Variants in GRID2 observed in about 807,000 individuals in gnomAD.
GRID2 encodes the protein glutamate receptor ionotropic, delta-2.
In GRID2, 33 loss-of-function variants were observed where a neutral mutation model predicts 114.8. The ratio of observed to expected loss-of-function variants is 0.29; its 90% CI spans 0.22 to 0.38. The LOEUF (loss-of-function observed/expected upper bound fraction) is 0.38, where lower values mean the gene tolerates loss of function less well. Among genes scored for constraint, GRID2 ranks in the 10% least tolerant of loss-of-function variants. The pLI, the probability that GRID2 is intolerant of heterozygous loss-of-function variation, is 1.00. For missense variants in GRID2, 1,184 were observed against 1,257.7 expected (o/e 0.94, Z 0.89); for synonymous variants, 505 against 449.9 (o/e 1.12, Z -1.55).
At chr4:92,501,279 G>A (rs1403361465) in intron 1 of GRID2, among the ~76,000 whole-genome samples, 1 of 152,208 alleles carries the variant, frequency 6.6e-6, no homozygotes, top group African/African-American at 2.4e-5. Context: ...CAGAGCATCT[G>A]TGAGGGGGCA....
At chr4:93,344,982 C>G (rs1476785792) in intron 8 of GRID2, among the ~76,000 whole-genome samples, 1 of 121,742 alleles carries the variant, frequency 8.2e-6, no homozygotes, top group East Asian at 2.7e-4. Flanking sequence ...GAGTTGTATT[C>G]TAGTGTGTGT....
chr4:92,532,714 C>G (rs1419562851), intron 1 of GRID2, among the ~76,000 whole-genome samples: 1 of 152,106 alleles, frequency 6.6e-6, no homozygotes, highest in Non-Finnish European at 1.5e-5. Flanking sequence ...CAAGCTAAGT[C>G]ATGTAAATGT....
intron 4 of GRID2, among the ~76,000 whole-genome samples, chr4:93,111,238 C>T (rs988478577): frequency 5.3e-5 from 8 of 152,178 alleles, no homozygotes; most frequent in Non-Finnish European, 1.0e-4. Context: ...CTGAATGAAT[C>T]TGGCAAGATC....
intron 2 of GRID2, among the ~76,000 whole-genome samples, chr4:92,763,853 G>A (rs1448595488): frequency 2.6e-5 from 4 of 152,168 alleles, no homozygotes; most frequent in Non-Finnish European, 4.4e-5. Context: ...TTTACTCTGA[G>A]TGAGACTAGA....
At chr4:92,642,280 G>A (rs1579746410) in intron 2 of GRID2, among the ~76,000 whole-genome samples, 1 of 151,662 alleles carries the variant, frequency 6.6e-6, no homozygotes, top group Non-Finnish European at 1.5e-5. Context: ...TAAGCATTCA[G>A]CTTTCTCCAC....
intron 2 of GRID2, among the ~76,000 whole-genome samples, chr4:92,746,077 T>A (rs1481292089): frequency 6.6e-6 from 1 of 152,124 alleles, no homozygotes; most frequent in Non-Finnish European, 1.5e-5. Context: ...CTCCTGTAGA[T>A]CTAGTGTTTA....
intron 8 of GRID2, among the ~76,000 whole-genome samples, chr4:93,294,433 T>A (rs993718158): frequency 6.6e-6 from 1 of 152,186 alleles, no homozygotes; most frequent in African/African-American, 2.4e-5. Context: ...AAATGATGCA[T>A]TTGTATGTGT....
chr4:93,776,680 T>C (rs548254494), downstream of GRID2, among the ~76,000 whole-genome samples: 5 of 152,290 alleles, frequency 3.3e-5, no homozygotes, highest in East Asian at 5.8e-4. Flanking sequence ...CAAGCACCAA[T>C]TGAAACTGTC....
chr4:92,958,280 CCT>C (rs1752562816), intron 2 of GRID2, among the ~76,000 whole-genome samples: 1 of 151,982 alleles, frequency 6.6e-6, no homozygotes, highest in Non-Finnish European at 1.5e-5. Flanking sequence ...GCCATCAGTT[CCT>C]TTGTAGATGT....
At chr4:93,245,216 A>C (rs2149522660) in intron 8 of GRID2, among the ~76,000 whole-genome samples, 1 of 152,256 alleles carries the variant, frequency 6.6e-6, no homozygotes, top group Non-Finnish European at 1.5e-5. Flanking sequence ...GATGCTTGTT[A>C]AGTATTTAAT....
intron 2 of GRID2, among the ~76,000 whole-genome samples, chr4:92,604,732 A>G (rs932191821): frequency 3.3e-5 from 5 of 152,142 alleles, no homozygotes; most frequent in African/African-American, 1.2e-4. Flanking sequence ...CAAAATGGAA[A>G]CAGGCAGGCT....
In GRID2 at chr4:93,121,539, GAC is replaced by G. The variant is rs148480807; in HGVS notation, c.735+10588_735+10589del. Among the ~76,000 whole-genome samples, 305 of 152,228 alleles carry G rather than the reference GAC, an allele frequency of 2.0e-3. 2 individuals carry two copies. Among genetic ancestry groups the G allele is most frequent in the African/African-American group, 7.2e-3 (300 of 41,548 alleles). ...TCAAAATATTTTGTTATATGAATAA[GAC>G]AGAATTTATATACTTCTGTTGATGA... On this transcript the variant is annotated intron_variant, in intron 4 of 15. Coordinates refer to ENST00000282020, the MANE Select transcript of GRID2 (RefSeq NM_001510.4).
At chr4:92,673,631 A>G (rs1325643655) in intron 2 of GRID2, among the ~76,000 whole-genome samples, 1 of 152,178 alleles carries the variant, frequency 6.6e-6, no homozygotes, top group Non-Finnish European at 1.5e-5. Context: ...TTCCCTGCAT[A>G]TGAAATTCTA....
At chr4:92,792,750 AG>A (rs1739654319) in intron 2 of GRID2, among the ~76,000 whole-genome samples, 2 of 151,838 alleles carry the variant, frequency 1.3e-5, no homozygotes, top group South Asian at 4.1e-4. Flanking sequence ...CTGCATAATG[AG>A]GTTGAAAAAA....
At chr4:92,996,306 T>A (rs1218594585) in intron 2 of GRID2, among the ~76,000 whole-genome samples, 3 of 150,812 alleles carry the variant, frequency 2.0e-5, no homozygotes, top group Non-Finnish European at 4.4e-5. Context: ...AAAAAAAAAA[T>A]AAAAAAAATA....
chr4:93,126,848 C>T (rs956678079), intron 4 of GRID2, among the ~76,000 whole-genome samples: 6 of 151,780 alleles, frequency 4.0e-5, no homozygotes, highest in Non-Finnish European at 8.8e-5. Context: ...CCGCCCGCCT[C>T]GGCCTCCCAA....
At position 93,466,313 on chromosome 4, in the gene GRID2, A is replaced by G. The variant is rs188277397; in HGVS notation, c.1858+10339A>G. On this transcript the variant is annotated intron_variant, in intron 11 of 15. Coordinates refer to ENST00000282020, the MANE Select transcript of GRID2 (RefSeq NM_001510.4). ...TTGATGCAGGGCAGGCAAGCCCCGA[A>G]GTGGAGCTTAGCCTGCTGGGTTCTT... Among the ~76,000 whole-genome samples, 718 of 152,262 alleles carry G rather than the reference A, an allele frequency of 4.7e-3. 2 individuals are homozygous for G. The highest frequency in any genetic ancestry group is 8.6e-3 in the Non-Finnish European group (586 of 68,022).
intron 4 of GRID2, among the ~76,000 whole-genome samples, chr4:93,142,185 C>T (rs1371328077): frequency 6.6e-6 from 1 of 152,098 alleles, no homozygotes; most frequent in Non-Finnish European, 1.5e-5. Context: ...TGCACTACAG[C>T]CTGGTTGATG....
At chr4:93,541,504 G>A (rs6843284) in intron 13 of GRID2, among the ~76,000 whole-genome samples, 46,923 of 151,812 alleles carry the variant, frequency 0.31, 7,907 homozygotes, top group African/African-American at 0.43. Context: ...ATACAACCCC[G>A]GTGTGAGAAT....
Sources: gnomAD v4.1 joint callset for allele counts (sites outside exome capture counted in the v4.1 genomes callset) on GRCh38, gnomAD v4.1.1 for gene constraint, MANE v1.5 for transcripts, NCBI Gene and HGNC (gene_info 2026-07-23, HGNC 2026-07-21) for gene names.